UGT2A2: variants seen among roughly 807,000 people sequenced by gnomAD.
UGT2A2 encodes UDP glucuronosyltransferase family 2 member A2.
A neutral mutation model predicts 50.7 loss-of-function variants in UGT2A2; 60 were observed. That is an observed-to-expected ratio of 1.18 (90% CI 0.96 to 1.47). UGT2A2 has a LOEUF of 1.47. UGT2A2 is among the 40% of genes most tolerant of loss of function. UGT2A2 has a pLI of 0.00. For missense variants in UGT2A2, 762 were observed against 634.0 expected (o/e 1.20, Z -2.17); for synonymous variants, 242 against 214.6 (o/e 1.13, Z -1.11).
At position 69,594,731 on chromosome 4, in the gene UGT2A2, A is replaced by G. The variant is rs1235982841; in HGVS notation, c.1112-35T>C. The stretch of plus-strand genomic sequence containing the variant: ...GGATGGAGTGAGAAGTGGGTGTGTA[A>G]TAATAACACATTAGCAGAATTTGAG... On this transcript the variant is annotated intron_variant, in intron 4 of 5. Coordinates refer to ENST00000604629, the MANE Select transcript of UGT2A2 (RefSeq NM_001105677.2). 3 of 1,589,458 alleles carry G rather than the reference A, an allele frequency of 1.9e-6. No individual in the cohort carries two copies. In the African/African-American group the frequency reaches 4.0e-5, roughly 21 times the overall value.
intron 1 of UGT2A2, among the ~76,000 whole-genome samples, chr4:69,600,580 C>G (rs1282587888): frequency 6.6e-6 from 1 of 152,140 alleles, no homozygotes; most frequent in Non-Finnish European, 1.5e-5. Context: ...TGTGTTAGGC[C>G]TTTCTCTTAT....
chr4:69,601,922 C>G (rs1457116166), intron 1 of UGT2A2, among the ~76,000 whole-genome samples: 2 of 136,550 alleles, frequency 1.5e-5, no homozygotes, highest in East Asian at 4.1e-4. Flanking sequence ...GTACCACAAC[C>G]ATGCAACTTG....
chr4:69,601,904 G>A (rs546637526), intron 1 of UGT2A2, among the ~76,000 whole-genome samples: 1 of 136,582 alleles, frequency 7.3e-6, no homozygotes, highest in African/African-American at 3.0e-5. Context: ...CTTGGGCAAA[G>A]GAGGGCTGTA....
intron 1 of UGT2A2, among the ~76,000 whole-genome samples, chr4:69,620,680 C>G (rs1286734356): frequency 6.7e-6 from 1 of 149,042 alleles, no homozygotes; most frequent in Admixed American, 6.7e-5. Flanking sequence ...GCCACAAAAG[C>G]CAAGGCAATG....
chr4:69,599,703 G>A (rs917012765), intron 1 of UGT2A2: 2 of 206,826 alleles, frequency 9.7e-6, no homozygotes, highest in African/African-American at 2.3e-5. Context: ...GAAAGAGAGA[G>A]AGAGAGGAAG....
chr4:69,600,832 A>G (rs1319757226), intron 1 of UGT2A2, among the ~76,000 whole-genome samples: 2 of 151,746 alleles, frequency 1.3e-5, no homozygotes, highest in Non-Finnish European at 2.9e-5. Flanking sequence ...AGATCTCGTG[A>G]TAACTCACTC....
At chr4:69,594,028 G>T (rs377101781) in intron 5 of UGT2A2, among the ~76,000 whole-genome samples, 9 of 138,128 alleles carry the variant, frequency 6.5e-5, no homozygotes, top group African/African-American at 2.4e-4. Context: ...AGGCTGGAGT[G>T]CAGTGGCACA....
intron 1 of UGT2A2, among the ~76,000 whole-genome samples, chr4:69,628,049 T>G (rs1275806026): frequency 6.6e-6 from 1 of 152,014 alleles, no homozygotes; most frequent in East Asian, 1.9e-4. Context: ...TGTTTTTGCT[T>G]TTGGTGTTAT....
At chr4:69,610,410 G>A (rs1429678765) in intron 1 of UGT2A2, among the ~76,000 whole-genome samples, 1 of 151,966 alleles carries the variant, frequency 6.6e-6, no homozygotes, top group Non-Finnish European at 1.5e-5. Context: ...AACTGTTAGG[G>A]CATTTTAGGT....
intron 1 of UGT2A2, among the ~76,000 whole-genome samples, chr4:69,635,144 G>A (rs905791248): frequency 6.6e-6 from 1 of 152,070 alleles, no homozygotes; most frequent in African/African-American, 2.4e-5. Flanking sequence ...AATTTAAAAA[G>A]AGGAGTAAGG....
At chr4:69,597,686 T>C (rs1324248974) in intron 2 of UGT2A2, among the ~76,000 whole-genome samples, 1 of 151,896 alleles carries the variant, frequency 6.6e-6, no homozygotes, top group Admixed American at 6.6e-5. Context: ...TTTGATTTAT[T>C]TTCCAAACAG....
At chr4:69,608,536 T>A (rs1577963359) in intron 1 of UGT2A2, among the ~76,000 whole-genome samples, 1 of 151,038 alleles carries the variant, frequency 6.6e-6, no homozygotes, top group African/African-American at 2.4e-5. Flanking sequence ...GCACGTTGTG[T>A]ACATGTACCC....
Position 69,637,678 on chromosome 4 carries a change from A to G in UGT2A2, c.742+1221T>C, listed in dbSNP as rs115205016. 4.2e-3 allele frequency among the ~76,000 whole-genome samples: 643 copies of G among 152,208 alleles called. 5 individuals are homozygous for G. Among genetic ancestry groups the G allele is most frequent in the African/African-American group, 0.013 (541 of 41,532 alleles). ...TCTTCTTACTTTATTATTACATAGC[A>G]TATATCACAGGCTAAATTTATATAT... On this transcript the variant is annotated intron_variant, in intron 1 of 5. Coordinates refer to ENST00000604629, the MANE Select transcript of UGT2A2 (RefSeq NM_001105677.2).
chr4:69,600,858 G>A (rs1323624606), intron 1 of UGT2A2, among the ~76,000 whole-genome samples: 2 of 151,640 alleles, frequency 1.3e-5, no homozygotes, highest in African/African-American at 4.8e-5. Flanking sequence ...CACAAGAAGA[G>A]TACCAAGGGA....
chr4:69,618,874 T>C (rs1351420085), intron 1 of UGT2A2, among the ~76,000 whole-genome samples: 3 of 151,830 alleles, frequency 2.0e-5, no homozygotes, highest in Non-Finnish European at 4.4e-5. Context: ...GAAACCAAAC[T>C]TCGGAAAATT....
At chr4:69,632,624 T>A (rs944436856) in intron 1 of UGT2A2, among the ~76,000 whole-genome samples, 1 of 152,120 alleles carries the variant, frequency 6.6e-6, no homozygotes. Flanking sequence ...GCACAATGAC[T>A]CAGGCCTGTA....
rs1314831441 is a variant in UGT2A2 at position 69,602,432 on chromosome 4, AC to A, written c.743-3039del. ...ACTTTACTGCAGTTAAACAAGAAAA[AC>A]AATTTTTAGAATAACAAAGATTTAG... On this transcript the variant is annotated intron_variant, in intron 1 of 5. Coordinates refer to ENST00000604629, the MANE Select transcript of UGT2A2 (RefSeq NM_001105677.2). 1.6e-5 allele frequency among the ~76,000 whole-genome samples: 2 copies of A among 128,146 alleles called. 1 individual carries two copies. The highest frequency in any genetic ancestry group is 6.4e-5 in the African/African-American group (2 of 31,040). The allele number at this position is 128,146 out of a possible 152,430, so 84.1% of individuals were successfully genotyped here. A position where few individuals can be genotyped will look rare whatever the true frequency, so the allele number is the denominator to read the frequency against.
intron 1 of UGT2A2, among the ~76,000 whole-genome samples, chr4:69,614,327 G>GA (rs1720244326): frequency 6.6e-6 from 1 of 151,806 alleles, no homozygotes; most frequent in African/African-American, 2.4e-5. Flanking sequence ...GAACAGGACA[G>GA]AAAAAAATGA....
At position 69,589,882 on chromosome 4, in the gene UGT2A2, A is replaced by G. The variant is rs188420216; in HGVS notation, c.1332-231T>C. ...TGATCAAATGTAGACATAAAAAAGT[A>G]GAGTAAGCCAGTTGTAAATATAGAT... On this transcript the variant is annotated intron_variant, in intron 5 of 5. Coordinates refer to ENST00000604629, the MANE Select transcript of UGT2A2 (RefSeq NM_001105677.2). Among the ~76,000 whole-genome samples, 288 of 152,346 alleles carry G rather than the reference A, an allele frequency of 1.9e-3. 1 individual carries two copies. Among genetic ancestry groups the G allele is most frequent in the African/African-American group, 6.7e-3 (277 of 41,590 alleles).
Sources: allele counts gnomAD v4.1 joint callset (sites outside exome capture counted in the v4.1 genomes callset), GRCh38; gene constraint gnomAD v4.1.1; transcripts MANE v1.5; gene names NCBI Gene and HGNC (gene_info 2026-07-23, HGNC 2026-07-21).